FOXN3: variants seen among roughly 807,000 people sequenced by gnomAD.
FOXN3 encodes the protein forkhead box protein N3.
Under a neutral mutation model 38.4 loss-of-function variants are expected in FOXN3, and 7 were observed. The ratio of observed to expected loss-of-function variants is 0.18; its 90% CI spans 0.10 to 0.34. FOXN3 has a LOEUF of 0.34. Ranked by LOEUF, FOXN3 falls within the 10% of genes least tolerant of loss-of-function variation. FOXN3 has a pLI of 1.00. For synonymous variants in FOXN3, 230 were observed against 242.2 expected (o/e 0.95, Z 0.47); for missense variants, 456 against 613.4 (o/e 0.74, Z 2.71).
intron 1 of FOXN3, among the ~76,000 whole-genome samples, chr14:89,451,256 C>T (rs544547981): frequency 7.9e-5 from 12 of 152,238 alleles, no homozygotes; most frequent in Middle Eastern, 6.8e-3. Flanking sequence ...GTATGGTAGC[C>T]GGGCCCCCTA....
rs1196031747 is a variant in FOXN3, at chr14:89,360,720, TCCA to T, written c.544-9915_544-9913del. Among the ~76,000 whole-genome samples, 138 of 120,360 alleles carry T rather than the reference TCCA, an allele frequency of 1.1e-3. 4 individuals are homozygous for T. Among genetic ancestry groups the T allele is most frequent in the African/African-American group, 4.0e-3 (117 of 29,448 alleles). The allele number at this position is 120,360 out of a possible 152,430, so 79.0% of individuals were successfully genotyped here. ...AGCTACCACCACCTCCAGCACTACC[TCCA>T]CCACCACCACCTCCAGCACCACCTC... is the stretch of plus-strand genomic sequence containing the variant. On this transcript the variant is annotated intron_variant, in intron 2 of 5. Coordinates refer to ENST00000557258, the MANE Select transcript of FOXN3 (RefSeq NM_005197.4).
intron 1 of FOXN3, among the ~76,000 whole-genome samples, chr14:89,513,167 AAAGAAAAAG>A (rs1894131385): frequency 6.7e-6 from 1 of 150,252 alleles, no homozygotes; most frequent in Non-Finnish European, 1.5e-5. Context: ...AAAAAAAAAA[AAAGAAAAAG>A]AAAGAAAGAA....
chr14:89,411,030 A>T (rs1211469131), intron 2 of FOXN3, among the ~76,000 whole-genome samples: 1 of 152,228 alleles, frequency 6.6e-6, no homozygotes, highest in African/African-American at 2.4e-5. Flanking sequence ...GTCTGTTAGG[A>T]ACGGGGCTGC....
intron 1 of FOXN3, among the ~76,000 whole-genome samples, chr14:89,445,132 C>G (rs1892466900): frequency 6.6e-6 from 1 of 151,430 alleles, no homozygotes; most frequent in Admixed American, 6.6e-5. Flanking sequence ...AAGACCCAAT[C>G]TCAAAAATAA....
intron 1 of FOXN3, among the ~76,000 whole-genome samples, chr14:89,454,161 G>A (rs944167495): frequency 3.3e-5 from 5 of 152,104 alleles, no homozygotes; most frequent in Non-Finnish European, 4.4e-5. Context: ...AAAATTAGCC[G>A]GGCATGGTGG....
At chr14:89,612,014 G>A (rs1896403600) in intron 1 of FOXN3, among the ~76,000 whole-genome samples, 1 of 151,876 alleles carries the variant, frequency 6.6e-6, no homozygotes, top group Non-Finnish European at 1.5e-5. Context: ...CTTCAACCCT[G>A]GGATAGAAAC....
intron 1 of FOXN3, among the ~76,000 whole-genome samples, chr14:89,496,144 C>A (rs570051514): frequency 1.3e-5 from 2 of 152,138 alleles, no homozygotes; most frequent in East Asian, 3.9e-4. Flanking sequence ...ACCCGGGAGG[C>A]GGAGGTTGCA....
At chr14:89,323,529 A>AC (rs2139975457) in intron 3 of FOXN3, among the ~76,000 whole-genome samples, 1 of 151,562 alleles carries the variant, frequency 6.6e-6, no homozygotes, top group South Asian at 2.1e-4. Flanking sequence ...GACCAGCCTG[A>AC]CCAACATGGT....
At chr14:89,293,505 G>T (rs1168941652) in intron 3 of FOXN3, among the ~76,000 whole-genome samples, 1 of 152,144 alleles carries the variant, frequency 6.6e-6, no homozygotes. Context: ...GTGTTCTCTG[G>T]CTTGCAAGAG....
intron 5 of FOXN3, among the ~76,000 whole-genome samples, chr14:89,167,953 G>A (rs112945341): frequency 6.2e-4 from 95 of 152,316 alleles, no homozygotes; most frequent in African/African-American, 2.1e-3. Flanking sequence ...CTCTAAGGGC[G>A]TTCAAGTGGC....
At chr14:89,428,078 T>C (rs1892079631) in intron 1 of FOXN3, among the ~76,000 whole-genome samples, 1 of 152,240 alleles carries the variant, frequency 6.6e-6, no homozygotes. Flanking sequence ...TTTTACTTTT[T>C]CAGAGGGGTG....
At chr14:89,300,846 G>A (rs1390902063) in intron 3 of FOXN3, among the ~76,000 whole-genome samples, 2 of 152,172 alleles carry the variant, frequency 1.3e-5, no homozygotes, top group African/African-American at 4.8e-5. Flanking sequence ...GCTCAGGCTG[G>A]AGTGCAGTGG....
chr14:89,604,054 A>G (rs555003193), intron 1 of FOXN3, among the ~76,000 whole-genome samples: 23 of 152,378 alleles, frequency 1.5e-4, no homozygotes, highest in African/African-American at 4.8e-4. Flanking sequence ...CAAAACCTCA[A>G]GTTGAGAATT....
intron 3 of FOXN3, among the ~76,000 whole-genome samples, chr14:89,335,064 A>G (rs540081966): frequency 6.7e-6 from 1 of 148,800 alleles, no homozygotes; most frequent in Admixed American, 6.7e-5. Context: ...AGTAGAACTT[A>G]ACTATTTTCA....
Position 89,343,020 on chromosome 14 carries a change from T to C in FOXN3, c.680+7652A>G, listed in dbSNP as rs545716130. On this transcript the variant is annotated intron_variant, in intron 3 of 5. Transcript: ENST00000557258. ...ATTAACACTTGCAATGACACCACAA[T>C]CTAACAATTAAAGTCCTTCAATGTA... Among the ~76,000 whole-genome samples the C allele has an allele frequency of 1.5e-4, 23 of 152,300 alleles. No homozygotes were observed. In the South Asian group the frequency reaches 4.6e-3, roughly 30 times the overall value.
chr14:89,611,792 T>C (rs11626460), intron 1 of FOXN3, among the ~76,000 whole-genome samples: 46,748 of 127,130 alleles, frequency 0.37, 8,009 homozygotes, highest in Middle Eastern at 0.44. Context: ...GGCGACAGAG[T>C]GAGACTCCGT....
At chr14:89,291,496 C>A in intron 3 of FOXN3, 1 of 596,186 alleles carries the variant, frequency 1.7e-6, no homozygotes. Flanking sequence ...TCTTGCTTAC[C>A]CCGCCATCCC....
intron 4 of FOXN3, among the ~76,000 whole-genome samples, chr14:89,196,151 C>T (rs183660171): frequency 2.6e-4 from 40 of 152,318 alleles, no homozygotes; most frequent in Admixed American, 1.5e-3. Flanking sequence ...AACGGTCACA[C>T]GTCTTAAAGA....
chr14:89,602,421 C>T (rs1267830407), intron 1 of FOXN3, among the ~76,000 whole-genome samples: 1 of 152,132 alleles, frequency 6.6e-6, no homozygotes, highest in Non-Finnish European at 1.5e-5. Flanking sequence ...AGAACATTTT[C>T]AGGCATTCAG....
Sources: gnomAD v4.1 joint callset for allele counts (sites outside exome capture counted in the v4.1 genomes callset) on GRCh38, gnomAD v4.1.1 for gene constraint, MANE v1.5 for transcripts, NCBI Gene and HGNC (gene_info 2026-07-23, HGNC 2026-07-21) for gene names.